The following THNSL1 variants were observed in gnomAD, a reference collection of about 807,000 sequenced individuals.
THNSL1 encodes threonine synthase like 1.
Under a neutral mutation model 50.4 loss-of-function variants are expected in THNSL1, and 48 were observed. The ratio of observed to expected loss-of-function variants is 0.95; its 90% CI spans 0.76 to 1.21. The LOEUF (loss-of-function observed/expected upper bound fraction) is 1.21. Among genes scored for constraint, THNSL1 ranks in the 50% most tolerant of loss-of-function variants. The pLI, the probability that THNSL1 is intolerant of heterozygous loss-of-function variation, is 0.00. For missense variants in THNSL1, 896 were observed against 871.7 expected, an observed-to-expected ratio of 1.03 and a Z score of -0.35; for synonymous variants, 309 against 306.1, an observed-to-expected ratio of 1.01 and a Z score of -0.10.
At chr10:24,984,021 T>C in the THNSL1 span, 1 of 229,218 alleles carries the variant, frequency 4.4e-6, no homozygotes, top group Non-Finnish European at 8.4e-6. Context: ...ATATGCATAG[T>C]GAGTTGTGGA....
the THNSL1 span, among the ~76,000 whole-genome samples, chr10:25,004,088 C>G: frequency 6.6e-6 from 1 of 152,116 alleles, no homozygotes; most frequent in African/African-American, 2.4e-5. Flanking sequence ...CATCCATGTC[C>G]CTGCAAAGAA....
At chr10:24,965,841 A>G in the THNSL1 span, among the ~76,000 whole-genome samples, 2,112 of 152,356 alleles carry the variant, frequency 0.014, 66 homozygotes, top group African/African-American at 0.048. Context: ...ATATGAGAAT[A>G]CATCAAATAC....
intron 1 of THNSL1, among the ~76,000 whole-genome samples, chr10:25,021,461 T>G (rs74767611): frequency 6.6e-6 from 1 of 152,164 alleles, no homozygotes; most frequent in African/African-American, 2.4e-5. Flanking sequence ...CCAGATATCC[T>G]TCTGAAAAGT....
At chr10:25,012,570 T>C (rs143977917), upstream of THNSL1, among the ~76,000 whole-genome samples, 1,135 of 152,326 alleles carry the variant, frequency 7.5e-3, 18 homozygotes, top group African/African-American at 0.025. Context: ...TTTGGAACTT[T>C]AAGGTTTAAT....
At chr10:24,969,602 C>T in the THNSL1 span, among the ~76,000 whole-genome samples, 1 of 151,948 alleles carries the variant, frequency 6.6e-6, no homozygotes, top group Non-Finnish European at 1.5e-5. Context: ...TGGAGGGTGC[C>T]CTTTGTTTGC....
Position 25,020,725 on chromosome 10 carries a change from T to C in THNSL1, c.-215-1017T>C, listed in dbSNP as rs1039376585. 2.8e-5 allele frequency among the ~76,000 whole-genome samples: 4 copies of C among 144,392 alleles called. No individual in the cohort carries two copies. The East Asian group carries it at 6.4e-4, about 23-fold the overall frequency. 94.7% of individuals were successfully genotyped at this position (144,392 alleles called of 152,430 possible). A position where few individuals can be genotyped will look rare whatever the true frequency, so the allele number is the denominator to read the frequency against. On this transcript the variant is annotated intron_variant, in intron 1 of 2. Coordinates refer to ENST00000376356, the MANE Select transcript of THNSL1 (RefSeq NM_024838.5). ...CACTGCACTCCAGCCTGGGTGACAG[T>C]GGAAGACCCTTTCTCAAAAAAAAAA...
the THNSL1 span, among the ~76,000 whole-genome samples, chr10:24,964,082 TAAC>T: frequency 1.3e-5 from 2 of 152,224 alleles, no homozygotes; most frequent in Admixed American, 1.3e-4. Flanking sequence ...GTAAACTGTT[TAAC>T]AACATTCCTG....
the THNSL1 span, chr10:24,995,595 T>C: frequency 3.8e-5 from 55 of 1,446,074 alleles, no homozygotes; most frequent in South Asian, 3.0e-4. Flanking sequence ...ATGAACACCA[T>C]ATTTAAATTA....
the THNSL1 span, among the ~76,000 whole-genome samples, chr10:24,991,805 T>C: frequency 2.6e-5 from 4 of 152,206 alleles, no homozygotes; most frequent in Admixed American, 6.5e-5. Flanking sequence ...GGGAGTCTAA[T>C]TGAGCAAACA....
chr10:24,974,573 T>A, the THNSL1 span, among the ~76,000 whole-genome samples: 1 of 152,198 alleles, frequency 6.6e-6, no homozygotes, highest in East Asian at 1.9e-4. Flanking sequence ...TTTTACAAAG[T>A]GGATTATTCT....
the THNSL1 span, among the ~76,000 whole-genome samples, chr10:24,978,404 A>G: frequency 7.0e-6 from 1 of 142,162 alleles, no homozygotes; most frequent in East Asian, 2.0e-4. Flanking sequence ...TTCTTCTCCC[A>G]TCCTTCTCCC....
chr10:24,991,661 A>G, the THNSL1 span, among the ~76,000 whole-genome samples: 1 of 152,184 alleles, frequency 6.6e-6, no homozygotes, highest in Admixed American at 6.5e-5. Context: ...CCATCTGCTG[A>G]AGCTACTTCC....
chr10:25,021,676 G>A (rs898310623), intron 1 of THNSL1, 66 bp from the exon 2 acceptor site: 1 of 152,108 alleles, frequency 6.6e-6, no homozygotes, highest in Non-Finnish European at 1.5e-5. Context: ...TAATAGACTA[G>A]TCTATGTGTA....
the THNSL1 span, among the ~76,000 whole-genome samples, chr10:24,975,423 A>G: frequency 6.6e-6 from 1 of 152,192 alleles, no homozygotes; most frequent in Admixed American, 6.5e-5. Flanking sequence ...AGCACACGAT[A>G]GCAAACTGTG....
the THNSL1 span, among the ~76,000 whole-genome samples, chr10:24,970,740 G>A: frequency 6.7e-6 from 1 of 149,836 alleles, no homozygotes; most frequent in Non-Finnish European, 1.5e-5. Context: ...AAAATAGTTT[G>A]GGGCCGGGCA....
the THNSL1 span, among the ~76,000 whole-genome samples, chr10:24,989,247 T>G: frequency 1.3e-5 from 2 of 152,184 alleles, no homozygotes; most frequent in African/African-American, 4.8e-5. Flanking sequence ...CAATTCTCAC[T>G]TCCATGTCTG....
At chr10:24,966,178 C>A in the THNSL1 span, among the ~76,000 whole-genome samples, 5 of 152,236 alleles carry the variant, frequency 3.3e-5, no homozygotes, top group South Asian at 8.3e-4. Context: ...ACTGGAACCT[C>A]TCTGCTGCAT....
At position 25,025,379 on chromosome 10, in the gene THNSL1, A is replaced by T. The variant is rs760597981; in HGVS notation, c.2156A>T (p.Glu719Val). 3 of 1,614,244 alleles carry T rather than the reference A, an allele frequency of 1.9e-6. No individual in the cohort carries two copies. The highest frequency in any genetic ancestry group is 4.5e-5 in the East Asian group (2 of 44,886). Residue 719 changes from glutamate (E) to valine (V), a missense_variant, in exon 3 of 3, where the codon GAG becomes GTG. By Grantham distance (121) the Glu-to-Val change is moderately radical. Transcript: ENST00000376356. The part of the protein sequence containing the change: ...LERTKQQEKM[E>V]YQVCAADMNV... ...AGAACAAAACAGCAAGAGAAGATGGAGTACCAGGTCTGTGCAGCTGATATG... is the reference window on the plus strand; with the variant it reads ...AGAACAAAACAGCAAGAGAAGATGGTGTACCAGGTCTGTGCAGCTGATATG...
chr10:24,984,317 T>A, the THNSL1 span: 1 of 1,583,866 alleles, frequency 6.3e-7, no homozygotes. Flanking sequence ...AAGGCACGTG[T>A]TACTATTTCC....
Sources: gnomAD v4.1 joint callset for allele counts (sites outside exome capture counted in the v4.1 genomes callset) on GRCh38, gnomAD v4.1.1 for gene constraint, MANE v1.5 for transcripts, NCBI Gene and HGNC (gene_info 2026-07-23, HGNC 2026-07-21) for gene names.